RAB38: variants seen among roughly 807,000 people sequenced by gnomAD.
The protein encoded by RAB38 is ras-related protein Rab-38.
Under a neutral mutation model 18.4 loss-of-function variants are expected in RAB38, and 15 were observed. That is an observed-to-expected ratio of 0.82 (90% CI 0.55 to 1.26). The LOEUF is 1.26. Among genes scored for constraint, RAB38 ranks in the 50% most tolerant of loss-of-function variants. RAB38 has a pLI of 0.00. For missense variants in RAB38, 294 were observed against 267.4 expected, an observed-to-expected ratio of 1.10 and a Z score of -0.69; for synonymous variants, 101 against 104.4, an observed-to-expected ratio of 0.97 and a Z score of 0.20.
At chr11:88,126,304 A>C (rs1015313611) in intron 2 of RAB38, among the ~76,000 whole-genome samples, 3 of 152,182 alleles carry the variant, frequency 2.0e-5, no homozygotes, top group Admixed American at 1.3e-4. Flanking sequence ...GAACCAACCC[A>C]AATGTCCAAT....
the RAB38 span, among the ~76,000 whole-genome samples, chr11:87,874,161 A>C: frequency 6.6e-6 from 1 of 150,984 alleles, no homozygotes; most frequent in Non-Finnish European, 1.5e-5. Context: ...TTTTATGTTT[A>C]CTTCTATTTT....
the RAB38 span, among the ~76,000 whole-genome samples, chr11:87,923,001 A>G: frequency 6.6e-6 from 1 of 151,858 alleles, no homozygotes; most frequent in African/African-American, 2.4e-5. Context: ...ATAGGGGAAC[A>G]AGGAAAGGGA....
chr11:87,948,205 T>C, the RAB38 span, among the ~76,000 whole-genome samples: 1 of 152,190 alleles, frequency 6.6e-6, no homozygotes, highest in Non-Finnish European at 1.5e-5. Flanking sequence ...TTGTCTGTTA[T>C]TGGTGTATAA....
At chr11:87,809,268 T>C in the RAB38 span, among the ~76,000 whole-genome samples, 3 of 152,134 alleles carry the variant, frequency 2.0e-5, no homozygotes, top group Non-Finnish European at 1.5e-5. Flanking sequence ...AAAGAAAGGA[T>C]ACAAAAGATT....
chr11:87,959,007 A>T, the RAB38 span, among the ~76,000 whole-genome samples: 1 of 151,974 alleles, frequency 6.6e-6, no homozygotes, highest in South Asian at 2.1e-4. Context: ...TGATGGAAAC[A>T]CCTCCTCCTT....
the RAB38 span, among the ~76,000 whole-genome samples, chr11:87,876,170 A>G: frequency 1.3e-5 from 2 of 151,574 alleles, no homozygotes; most frequent in Admixed American, 1.3e-4. Flanking sequence ...ACATGCTGCT[A>G]AGATCTCTAG....
At chr11:87,924,778 T>G in the RAB38 span, among the ~76,000 whole-genome samples, 1 of 152,136 alleles carries the variant, frequency 6.6e-6, no homozygotes, top group African/African-American at 2.4e-5. Context: ...AGGTAGGAAG[T>G]GGTGGAGGCA....
intron 2 of RAB38, among the ~76,000 whole-genome samples, chr11:88,116,271 A>T (rs567902774): frequency 1.9e-4 from 29 of 152,292 alleles, no homozygotes; most frequent in African/African-American, 6.7e-4. Flanking sequence ...TCAGGAAGGT[A>T]AAAAGGGGTC....
At chr11:87,882,314 G>A in the RAB38 span, among the ~76,000 whole-genome samples, 5 of 151,814 alleles carry the variant, frequency 3.3e-5, no homozygotes, top group East Asian at 7.8e-4. Flanking sequence ...TTGTATATAA[G>A]GCTAGGTAGT....
chr11:88,106,884 T>C, the RAB38 span, among the ~76,000 whole-genome samples: 1 of 152,152 alleles, frequency 6.6e-6, no homozygotes, highest in African/African-American at 2.4e-5. Context: ...ACAGCTCAGA[T>C]GCAGCCAAGT....
the RAB38 span, among the ~76,000 whole-genome samples, chr11:87,819,737 TATATATATATATAC>T: frequency 7.2e-3 from 886 of 123,714 alleles, 18 homozygotes; most frequent in African/African-American, 0.027. Context: ...TATATATGTG[TATATATATATATAC>T]GTGTATGTAT....
the RAB38 span, among the ~76,000 whole-genome samples, chr11:87,808,879 G>A: frequency 6.6e-6 from 1 of 151,976 alleles, no homozygotes; most frequent in African/African-American, 2.4e-5. Flanking sequence ...GCATTTTCAT[G>A]GGTAAAAATA....
the RAB38 span, among the ~76,000 whole-genome samples, chr11:88,003,987 GTA>G: frequency 8.8e-6 from 1 of 114,032 alleles, no homozygotes; most frequent in Non-Finnish European, 1.8e-5. Context: ...ATGCATATAG[GTA>G]TATATATATA....
intron 2 of RAB38, among the ~76,000 whole-genome samples, chr11:88,140,641 G>T (rs376055961): frequency 5.3e-5 from 8 of 152,276 alleles, no homozygotes; most frequent in African/African-American, 1.7e-4. Flanking sequence ...TGAGAGACAG[G>T]TGCATAAAGC....
chr11:87,845,526 C>G, the RAB38 span, among the ~76,000 whole-genome samples: 1 of 151,990 alleles, frequency 6.6e-6, no homozygotes, highest in Non-Finnish European at 1.5e-5. Flanking sequence ...TAAAAAATGA[C>G]CAGCCTCTGG....
rs145701595 is a variant in RAB38, at chr11:88,168,843, C to T, written c.202+6340G>A. Among the ~76,000 whole-genome samples, 267 of 152,286 alleles carry T rather than the reference C, an allele frequency of 1.8e-3. 1 individual carries two copies. Among genetic ancestry groups the T allele is most frequent in the African/African-American group, 6.1e-3 (254 of 41,560 alleles). On this transcript the variant is annotated intron_variant, in intron 1 of 2. Coordinates refer to ENST00000243662, the MANE Select transcript of RAB38 (RefSeq NM_022337.3). Reference sequence around the variant, plus strand: ...TCACTTCTTAAATTCAAGGACTTCACAAACCCATTCCTCAATTTCTCTATG... The same window carrying T: ...TCACTTCTTAAATTCAAGGACTTCATAAACCCATTCCTCAATTTCTCTATG...
At chr11:87,935,419 C>A in the RAB38 span, among the ~76,000 whole-genome samples, 1 of 152,070 alleles carries the variant, frequency 6.6e-6, no homozygotes, top group African/African-American at 2.4e-5. Context: ...TCATTTCAGA[C>A]CATGCCCTTC....
the RAB38 span, among the ~76,000 whole-genome samples, chr11:87,887,035 A>G: frequency 6.6e-6 from 1 of 151,950 alleles, no homozygotes; most frequent in Non-Finnish European, 1.5e-5. Context: ...TGAAATGGGA[A>G]AACAACTCTC....
At chr11:87,853,908 T>G in the RAB38 span, among the ~76,000 whole-genome samples, 1 of 152,198 alleles carries the variant, frequency 6.6e-6, no homozygotes, top group Non-Finnish European at 1.5e-5. Flanking sequence ...GATTTAATTC[T>G]GATTATTCAG....
Sources: allele counts gnomAD v4.1 joint callset (sites outside exome capture counted in the v4.1 genomes callset), GRCh38; gene constraint gnomAD v4.1.1; transcripts MANE v1.5; gene names NCBI Gene and HGNC (gene_info 2026-07-23, HGNC 2026-07-21).